Variants in MTUS2 observed in about 807,000 individuals in gnomAD.
MTUS2 encodes microtubule associated scaffold protein 2.
MTUS2 carries 40 observed loss-of-function variants against 114.1 expected under a neutral mutation model. The observed-to-expected ratio is 0.35, with a 90% CI of 0.27 to 0.46. MTUS2 has a LOEUF of 0.46. Ranked by LOEUF, MTUS2 falls within the 20% of genes least tolerant of loss-of-function variation. MTUS2 has a pLI of 1.00. For missense variants in MTUS2, 1,679 were observed against 1,705.4 expected (o/e 0.98, Z 0.27); for synonymous variants, 688 against 672.0 (o/e 1.02, Z -0.37).
At chr13:29,366,144 A>G (rs1870693945) in intron 8 of MTUS2, among the ~76,000 whole-genome samples, 1 of 152,216 alleles carries the variant, frequency 6.6e-6, no homozygotes, top group Non-Finnish European at 1.5e-5. Flanking sequence ...TACTGCTGAC[A>G]AAGACATACT....
At chr13:28,877,235 A>G (rs771695125) in intron 2 of MTUS2, among the ~76,000 whole-genome samples, 13 of 151,268 alleles carry the variant, frequency 8.6e-5, no homozygotes, top group Admixed American at 2.6e-4. Context: ...GGAGGATGGC[A>G]TGAACCCAGG....
At chr13:29,110,201 G>A (rs1297034506) in intron 5 of MTUS2, among the ~76,000 whole-genome samples, 1 of 152,216 alleles carries the variant, frequency 6.6e-6, no homozygotes, top group Non-Finnish European at 1.5e-5. Flanking sequence ...TAAGCTGATG[G>A]CATTTAAACC....
At chr13:29,250,117 TA>T (rs200546998) in intron 5 of MTUS2, among the ~76,000 whole-genome samples, 3 of 151,966 alleles carry the variant, frequency 2.0e-5, no homozygotes, top group Admixed American at 1.3e-4. Flanking sequence ...AATTCTTTCT[TA>T]AAAAATAATA....
chr13:29,364,830 C>T (rs1265489963), intron 8 of MTUS2, among the ~76,000 whole-genome samples: 1 of 152,106 alleles, frequency 6.6e-6, no homozygotes, highest in Non-Finnish European at 1.5e-5. Context: ...TTCCTAAATC[C>T]AAAACATGGT....
intron 9 of MTUS2, among the ~76,000 whole-genome samples, chr13:29,440,344 G>A (rs761383136): frequency 1.6e-4 from 25 of 152,116 alleles, no homozygotes; most frequent in Non-Finnish European, 3.1e-4. Context: ...ATCTATCTGG[G>A]TCCCCTCTTA....
intron 5 of MTUS2, among the ~76,000 whole-genome samples, chr13:29,103,596 G>A (rs746856134): frequency 2.6e-5 from 4 of 152,190 alleles, no homozygotes; most frequent in Non-Finnish European, 5.9e-5. Flanking sequence ...GGACATCATT[G>A]TACACTTTTA....
intron 2 of MTUS2, among the ~76,000 whole-genome samples, chr13:28,840,321 A>G (rs1028226321): frequency 1.3e-5 from 2 of 152,208 alleles, no homozygotes; most frequent in African/African-American, 4.8e-5. Flanking sequence ...CAGTCCATTA[A>G]ACTAAGAGCA....
chr13:29,332,239 T>C (rs373619123), intron 7 of MTUS2, among the ~76,000 whole-genome samples: 5 of 152,236 alleles, frequency 3.3e-5, no homozygotes, highest in East Asian at 3.9e-4. Flanking sequence ...ATTTCAGAAC[T>C]TGTTATTGAT....
chr13:28,902,615 A>G (rs565287732), intron 2 of MTUS2, among the ~76,000 whole-genome samples: 1 of 152,242 alleles, frequency 6.6e-6, no homozygotes, highest in South Asian at 2.1e-4. Flanking sequence ...TAATATATAT[A>G]GTGGATTACA....
intron 2 of MTUS2, among the ~76,000 whole-genome samples, chr13:28,910,482 A>G (rs1880346403): frequency 6.6e-6 from 1 of 151,912 alleles, no homozygotes; most frequent in Admixed American, 6.6e-5. Context: ...TCAACCTATC[A>G]CCTAGGTATT....
chr13:29,494,101 C>T (rs1882371143), intron 12 of MTUS2, among the ~76,000 whole-genome samples: 2 of 152,184 alleles, frequency 1.3e-5, no homozygotes, highest in South Asian at 2.1e-4. Context: ...TATGTAGCCT[C>T]TGTAAACCTT....
chr13:28,997,587 A>C (rs1023478034), intron 2 of MTUS2, among the ~76,000 whole-genome samples: 2,695 of 152,238 alleles, frequency 0.018, 83 homozygotes, highest in African/African-American at 0.061. Flanking sequence ...TATTGGGTGC[A>C]TATATATTTA....
intron 8 of MTUS2, among the ~76,000 whole-genome samples, chr13:29,402,625 C>T (rs867187820): frequency 6.6e-6 from 1 of 152,186 alleles, no homozygotes; most frequent in Non-Finnish European, 1.5e-5. Flanking sequence ...CTGCTTGAAT[C>T]ATTCATATTA....
chr13:29,260,663 C>G (rs1010885265), intron 5 of MTUS2, among the ~76,000 whole-genome samples: 6 of 152,188 alleles, frequency 3.9e-5, no homozygotes, highest in African/African-American at 1.4e-4. Flanking sequence ...AGCAAGAAAG[C>G]TAACTCAGCA....
At chr13:29,094,959 A>G (rs74241784) in intron 4 of MTUS2, among the ~76,000 whole-genome samples, 2,388 of 152,134 alleles carry the variant, frequency 0.016, 47 homozygotes, top group East Asian at 0.087. Flanking sequence ...GTGTTCATAT[A>G]TTTGAGAATT....
chr13:29,060,032 G>A (rs757840771), intron 4 of MTUS2, among the ~76,000 whole-genome samples: 46 of 152,218 alleles, frequency 3.0e-4, no homozygotes, highest in Non-Finnish European at 6.0e-4. Flanking sequence ...CCATTTGAGT[G>A]CTTCCTGGAA....
chr13:29,228,067 T>C (rs1011066564), intron 5 of MTUS2, among the ~76,000 whole-genome samples: 1 of 152,122 alleles, frequency 6.6e-6, no homozygotes, highest in African/African-American at 2.4e-5. Flanking sequence ...ATCTTACTCC[T>C]AAGAATCTGT....
intron 5 of MTUS2, among the ~76,000 whole-genome samples, chr13:29,104,344 C>T (rs888623391): frequency 2.0e-5 from 3 of 152,188 alleles, no homozygotes; most frequent in Non-Finnish European, 4.4e-5. Flanking sequence ...GGTGTTCTTT[C>T]TACTCTATTT....
chr13:29,172,381 A>G (rs186287114), intron 5 of MTUS2, among the ~76,000 whole-genome samples: 1 of 152,334 alleles, frequency 6.6e-6, no homozygotes, highest in Admixed American at 6.5e-5. Context: ...TAGGTACATC[A>G]AGGACTGACT....
Sources: allele counts gnomAD v4.1 joint callset (sites outside exome capture counted in the v4.1 genomes callset), GRCh38; gene constraint gnomAD v4.1.1; transcripts MANE v1.5; gene names NCBI Gene and HGNC (gene_info 2026-07-23, HGNC 2026-07-21).